The following FMN1 variants were observed in gnomAD, a reference collection of about 807,000 sequenced individuals.
The protein encoded by FMN1 is formin 1, also known as formin-1.
In FMN1, 110 loss-of-function variants were observed where a neutral mutation model predicts 132.4. That is an observed-to-expected ratio of 0.83 (90% CI 0.71 to 0.97). The LOEUF (loss-of-function observed/expected upper bound fraction) is 0.97. FMN1 is among the 50% of genes least tolerant of loss of function. FMN1 has a pLI of 0.00. For missense variants in FMN1, 1,792 were observed against 1,705.3 expected (o/e 1.05, Z -0.90); for synonymous variants, 722 against 651.7 (o/e 1.11, Z -1.64).
chr15:32,808,900 TG>T (rs1366981741), intron 17 of FMN1, among the ~76,000 whole-genome samples: 2 of 120,838 alleles, frequency 1.7e-5, no homozygotes, highest in Admixed American at 9.6e-5. Flanking sequence ...AAAACTTTAG[TG>T]TTTTTTTTTT....
intron 3 of FMN1, among the ~76,000 whole-genome samples, chr15:33,156,194 G>C (rs1397961312): frequency 6.6e-6 from 1 of 151,468 alleles, no homozygotes; most frequent in African/African-American, 2.4e-5. Context: ...GCAGATATCT[G>C]GTCAAACCAG....
rs999617703 is a variant in FMN1, at chr15:33,180,213, C to A, written c.-147G>T. 6.6e-6 allele frequency: 1 copy of A among 151,220 alleles called. No homozygotes were observed. Among genetic ancestry groups the A allele is most frequent in the Non-Finnish European group, 1.5e-5 (1 of 67,968 alleles). The allele number at this position is 151,220 out of a possible 1,614,324, so 9.4% of individuals were successfully genotyped here. A position where few individuals can be genotyped will look rare whatever the true frequency, so the allele number is the denominator to read the frequency against. On this transcript the variant is annotated 5_prime_UTR_variant, in exon 3 of 21. Coordinates refer to ENST00000616417, the MANE Select transcript of FMN1 (RefSeq NM_001277313.2). ...ACCTTCTTACCTAGATCAGCCTTCG[C>A]TTGGGCAGGGTCCAGATGCGGAGAT...
At chr15:32,933,204 C>A (rs1023216814) in intron 9 of FMN1, among the ~76,000 whole-genome samples, 16 of 152,100 alleles carry the variant, frequency 1.1e-4, no homozygotes, top group Admixed American at 5.9e-4. Flanking sequence ...AAGATATTTT[C>A]CAATTTCCCT....
At chr15:32,784,284 A>G (rs909218607) in intron 19 of FMN1, among the ~76,000 whole-genome samples, 2 of 152,212 alleles carry the variant, frequency 1.3e-5, no homozygotes, top group Non-Finnish European at 2.9e-5. Context: ...CCAGATGCCA[A>G]TGTTGGCAAG....
chr15:32,873,059 T>C (rs909724250), intron 16 of FMN1, among the ~76,000 whole-genome samples: 1 of 152,232 alleles, frequency 6.6e-6, no homozygotes, highest in East Asian at 1.9e-4. Context: ...CCACTGCTAA[T>C]CAGTTTGCCA....
At chr15:32,960,152 T>C (rs1407197918) in intron 9 of FMN1, among the ~76,000 whole-genome samples, 1 of 152,194 alleles carries the variant, frequency 6.6e-6, no homozygotes, top group African/African-American at 2.4e-5. Context: ...CTGACCTTTT[T>C]TTGCCCGGAT....
chr15:32,932,985 T>A (rs1017078200), intron 9 of FMN1, among the ~76,000 whole-genome samples: 1 of 152,150 alleles, frequency 6.6e-6, no homozygotes, highest in Non-Finnish European at 1.5e-5. Context: ...TCTATTTTGC[T>A]TTTTTTCTGC....
chr15:33,167,696 C>T (rs1335643499), intron 3 of FMN1, among the ~76,000 whole-genome samples: 1 of 152,172 alleles, frequency 6.6e-6, no homozygotes, highest in African/African-American at 2.4e-5. Flanking sequence ...AGTTGATTAA[C>T]ACATATTTGT....
chr15:33,042,783 T>TG (rs898715278), intron 6 of FMN1, among the ~76,000 whole-genome samples: 1 of 151,652 alleles, frequency 6.6e-6, no homozygotes, highest in Non-Finnish European at 1.5e-5. Flanking sequence ...CCCAACTTTT[T>TG]TTTTTTAAAC....
chr15:32,830,887 T>C (rs925151156), intron 17 of FMN1, among the ~76,000 whole-genome samples: 1 of 151,996 alleles, frequency 6.6e-6, no homozygotes, highest in Non-Finnish European at 1.5e-5. Context: ...CGGGATGAAA[T>C]GTAACCTTTC....
chr15:32,874,305 G>A (rs930232622), intron 16 of FMN1, among the ~76,000 whole-genome samples: 1 of 152,036 alleles, frequency 6.6e-6, no homozygotes, highest in African/African-American at 2.4e-5. Flanking sequence ...ACAGGTGTGA[G>A]CCACCAAGCC....
chr15:32,868,478 T>C (rs992095817), intron 16 of FMN1, among the ~76,000 whole-genome samples: 7 of 152,204 alleles, frequency 4.6e-5, no homozygotes, highest in African/African-American at 9.7e-5. Flanking sequence ...TATGTTTGTG[T>C]AAGTACACTC....
At position 32,906,721 on chromosome 15, in the gene FMN1, T is replaced by C. The variant is rs1019820338; in HGVS notation, c.3377+1769A>G. 9.9e-5 allele frequency among the ~76,000 whole-genome samples: 15 copies of C among 152,240 alleles called. 1 individual carries two copies. Among genetic ancestry groups the C allele is most frequent in the Non-Finnish European group, 1.9e-4 (13 of 68,042 alleles). Reference sequence around the variant, plus strand: ...ATTAGCACCGTAAGAGGGATTCATTTGTTATAATAGGAAATATGACTTGGA... The same window carrying C: ...ATTAGCACCGTAAGAGGGATTCATTCGTTATAATAGGAAATATGACTTGGA... On this transcript the variant is annotated intron_variant, in intron 12 of 20. Transcript: ENST00000616417.
chr15:32,817,350 A>G (rs2058087369), intron 17 of FMN1, among the ~76,000 whole-genome samples: 1 of 152,220 alleles, frequency 6.6e-6, no homozygotes, highest in Non-Finnish European at 1.5e-5. Context: ...ACAAAAGTCT[A>G]ATTTCCCTAA....
chr15:32,795,647 G>A (rs1336523050), intron 19 of FMN1, among the ~76,000 whole-genome samples: 1 of 151,998 alleles, frequency 6.6e-6, no homozygotes, highest in East Asian at 1.9e-4. Flanking sequence ...TCTGTCTCCA[G>A]GTCTTTTTTT....
intron 4 of FMN1, chr15:33,150,097 A>T (rs1044259316): frequency 5.1e-6 from 5 of 985,336 alleles, no homozygotes; most frequent in Middle Eastern, 5.2e-4. Flanking sequence ...CAACCACAGG[A>T]TTACTCAAGA....
chr15:32,848,462 T>G (rs1005959203), intron 17 of FMN1, among the ~76,000 whole-genome samples: 1 of 152,246 alleles, frequency 6.6e-6, no homozygotes, highest in South Asian at 2.1e-4. Context: ...TAGAGCGATG[T>G]TGAAGAAGGC....
At chr15:33,036,416 C>T (rs28464512) in intron 6 of FMN1, among the ~76,000 whole-genome samples, 41,003 of 152,118 alleles carry the variant, frequency 0.27, 5,755 homozygotes, top group Non-Finnish European at 0.31. Flanking sequence ...TTAATTATCA[C>T]TGTATATTTA....
chr15:33,075,292 T>A (rs950136533), intron 5 of FMN1, among the ~76,000 whole-genome samples: 3 of 152,134 alleles, frequency 2.0e-5, no homozygotes, highest in South Asian at 2.1e-4. Context: ...ACACCAACCA[T>A]CATCTAACAG....
Sources: allele counts gnomAD v4.1 joint callset (sites outside exome capture counted in the v4.1 genomes callset), GRCh38; gene constraint gnomAD v4.1.1; transcripts MANE v1.5; gene names NCBI Gene and HGNC (gene_info 2026-07-23, HGNC 2026-07-21).